Variants in TBC1D7 observed in about 807,000 individuals in gnomAD.
TBC1D7 encodes TBC1 domain family member 7.
Under a neutral mutation model 35.3 loss-of-function variants are expected in TBC1D7, and 33 were observed. The observed-to-expected ratio is 0.93, with a 90% CI of 0.71 to 1.25. TBC1D7 has a LOEUF of 1.25. Among genes scored for constraint, TBC1D7 ranks in the 50% most tolerant of loss-of-function variants. TBC1D7 has a pLI of 0.00. For synonymous variants in TBC1D7, 135 were observed against 129.5 expected (o/e 1.04, Z -0.29); for missense variants, 362 against 365.3 (o/e 0.99, Z 0.07).
intron 3 of TBC1D7, among the ~76,000 whole-genome samples, 169 bp downstream of exon 3, chr6:13,324,925 T>C (rs929383756): frequency 4.6e-5 from 7 of 152,236 alleles, no homozygotes; most frequent in Admixed American, 4.6e-4. Context: ...TCTTCTATAG[T>C]ATCATTAATA....
intron 4 of TBC1D7, chr6:13,319,138 T>C (rs1384650552): frequency 6.6e-6 from 1 of 152,160 alleles, no homozygotes; most frequent in African/African-American, 2.4e-5. Flanking sequence ...TCTTCAAAAG[T>C]GTCAAGGTCA....
chr6:13,320,767 C>T (rs1245250220), intron 4 of TBC1D7, 141 bp downstream of exon 4: 1 of 825,628 alleles, frequency 1.2e-6, no homozygotes, highest in Non-Finnish European at 2.1e-6. Context: ...CCATGAATGC[C>T]AAGTAAAGAT....
Position 13,326,920 on chromosome 6 carries a change from C to T in TBC1D7, c.-8-14G>A. 2.1e-6 allele frequency: 3 copies of T among 1,406,290 alleles called. No individual in the cohort carries two copies. Among genetic ancestry groups the T allele is most frequent in the Non-Finnish European group, 3.0e-6 (3 of 1,005,818 alleles). 87.1% of individuals were successfully genotyped at this position (1,406,290 alleles called of 1,614,324 possible). A position where few individuals can be genotyped will look rare whatever the true frequency, so the allele number is the denominator to read the frequency against. On this transcript the variant is annotated splice_polypyrimidine_tract_variant and intron_variant, in intron 1 of 7. Transcript: ENST00000379300. ...TCATATTTCATTCTTGGAGGAGACA[C>T]AGAAAGACAGAAAGGGAGAGAAAGA... is the stretch of plus-strand genomic sequence containing the variant.
intron 3 of TBC1D7, among the ~76,000 whole-genome samples, chr6:13,322,204 T>C (rs1192317887): frequency 6.6e-6 from 1 of 151,680 alleles, no homozygotes; most frequent in Non-Finnish European, 1.5e-5. Flanking sequence ...TAGTGAGCTG[T>C]GATCGTACCA....
At chr6:13,307,773 TTC>T in intron 5 of TBC1D7, 28 bp from the exon 6 acceptor site, 1 of 1,601,400 alleles carries the variant, frequency 6.2e-7, no homozygotes, top group Non-Finnish European at 8.5e-7. Context: ...ACAGAGATTA[TTC>T]ATTTTCTGTG....
At chr6:13,313,385 T>C (rs1418786806) in intron 5 of TBC1D7, among the ~76,000 whole-genome samples, 2 of 152,196 alleles carry the variant, frequency 1.3e-5, no homozygotes, top group Non-Finnish European at 2.9e-5. Context: ...GTATTGGCAA[T>C]GGGGTGGAAA....
chr6:13,306,702 T>C (rs1239325343), intron 6 of TBC1D7, 175 bp from the exon 7 acceptor site: 3 of 465,360 alleles, frequency 6.4e-6, no homozygotes, highest in Non-Finnish European at 1.1e-5. Flanking sequence ...CCATTTGAAA[T>C]CTATTCTAGA....
rs372091917 is a variant in TBC1D7 at position 13,305,089 on chromosome 6, C to A, written c.*12G>T. ...TGGTGCCTGGCAGACGGTCCACAAC[C>A]AGCGGGTGCGTTCAGCTTGAATGGA... On this transcript the variant is annotated 3_prime_UTR_variant, in exon 8 of 8. Coordinates refer to ENST00000379300, the MANE Select transcript of TBC1D7 (RefSeq NM_016495.6). 6.2e-7 allele frequency: 1 copy of A among 1,601,268 alleles called. No individual in the cohort carries two copies. The highest frequency in any genetic ancestry group is 8.5e-7 in the Non-Finnish European group (1 of 1,172,816).
chr6:13,315,397 G>A (rs1485165488), intron 5 of TBC1D7, among the ~76,000 whole-genome samples: 1 of 152,166 alleles, frequency 6.6e-6, no homozygotes, highest in Admixed American at 6.6e-5. Flanking sequence ...CCTCATTACA[G>A]GAATATACTG....
In TBC1D7 at chr6:13,306,845, G is replaced by A. The variant is rs3800483; in HGVS notation, c.666-318C>T. On this transcript the variant is annotated intron_variant, in intron 6 of 7. Transcript: ENST00000379300. ...AAGAAAAAGAAAATCCTAAACTAAT[G>A]GTTTATATTCTGCTAATATGCCATA... The A allele has an allele frequency of 0.12, 21,615 of 174,674 alleles. 1,603 individuals carry two copies. The highest frequency in any genetic ancestry group is 0.33 in the East Asian group (2,061 of 6,218). 10.8% of individuals were successfully genotyped at this position (174,674 alleles called of 1,614,324 possible).
At chr6:13,315,930 C>CT (rs1276604723) in intron 5 of TBC1D7, among the ~76,000 whole-genome samples, 1 of 152,192 alleles carries the variant, frequency 6.6e-6, no homozygotes, top group African/African-American at 2.4e-5. Flanking sequence ...GAGGGAAAGC[C>CT]TAATGGGCCA....
intron 4 of TBC1D7, among the ~76,000 whole-genome samples, chr6:13,317,046 G>A (rs1020536565): frequency 6.6e-6 from 1 of 152,158 alleles, no homozygotes; most frequent in African/African-American, 2.4e-5. Flanking sequence ...TACTAGGTGA[G>A]GATATCTTTG....
chr6:13,318,456 T>C (rs1324713698), intron 4 of TBC1D7, among the ~76,000 whole-genome samples: 1 of 152,224 alleles, frequency 6.6e-6, no homozygotes, highest in Non-Finnish European at 1.5e-5. Context: ...TAATTTGATA[T>C]ATAATTTAAG....
chr6:13,314,315 A>G (rs2496152), intron 5 of TBC1D7, among the ~76,000 whole-genome samples: 47,635 of 151,890 alleles, frequency 0.31, 7,664 homozygotes, highest in South Asian at 0.47. Flanking sequence ...AAGGAGAAGT[A>G]GGGAATTGCA....
intron 3 of TBC1D7, among the ~76,000 whole-genome samples, chr6:13,322,279 C>CAA (rs973001262): frequency 2.0e-5 from 3 of 150,550 alleles, no homozygotes; most frequent in African/African-American, 7.3e-5. Flanking sequence ...AAAAACAAAA[C>CAA]AAAAAAAAAC....
At chr6:13,322,053 T>C (rs1336875653) in intron 3 of TBC1D7, among the ~76,000 whole-genome samples, 1 of 152,016 alleles carries the variant, frequency 6.6e-6, no homozygotes, top group Non-Finnish European at 1.5e-5. Flanking sequence ...CCTGGGCAAC[T>C]GGGTGAAGGT....
chr6:13,311,922 G>A (rs1165795843), intron 5 of TBC1D7, among the ~76,000 whole-genome samples: 1 of 146,818 alleles, frequency 6.8e-6, no homozygotes, highest in South Asian at 2.3e-4. Flanking sequence ...AAGGAGTCCA[G>A]AAAGAGATAT....
chr6:13,325,034 C>A (rs772938455), intron 3 of TBC1D7, 60 bp downstream of exon 3: 5 of 1,284,224 alleles, frequency 3.9e-6, no homozygotes, highest in Non-Finnish European at 5.6e-6. Context: ...GATAAGATAG[C>A]AAATGATCCC....
chr6:13,322,802 T>C (rs868264928), intron 3 of TBC1D7, among the ~76,000 whole-genome samples: 2 of 152,214 alleles, frequency 1.3e-5, no homozygotes, highest in Non-Finnish European at 2.9e-5. Context: ...TCTCGGCTAA[T>C]ACAGCTTAAA....
Sources: allele counts gnomAD v4.1 joint callset (sites outside exome capture counted in the v4.1 genomes callset), GRCh38; gene constraint gnomAD v4.1.1; transcripts MANE v1.5; gene names NCBI Gene and HGNC (gene_info 2026-07-23, HGNC 2026-07-21).